ENTREP1: variants seen among roughly 807,000 people sequenced by gnomAD.
ENTREP1 encodes the protein Friedreich ataxia region gene X123.
the ENTREP1 span, among the ~76,000 whole-genome samples, chr9:69,352,319 A>T: frequency 6.6e-6 from 1 of 151,906 alleles, no homozygotes; most frequent in African/African-American, 2.4e-5. Flanking sequence ...GAGTTTCTCC[A>T]TGTTGGCCAG....
the ENTREP1 span, among the ~76,000 whole-genome samples, chr9:69,331,554 G>T: frequency 6.6e-6 from 1 of 152,196 alleles, no homozygotes; most frequent in Non-Finnish European, 1.5e-5. Context: ...ATTGTTTGGT[G>T]TTAGAAAATA....
the ENTREP1 span, among the ~76,000 whole-genome samples, chr9:69,338,260 T>C: frequency 6.6e-6 from 1 of 152,214 alleles, no homozygotes; most frequent in South Asian, 2.1e-4. Context: ...ACTCTCTAGG[T>C]TTATGGTCTC....
chr9:69,385,699 G>A, the ENTREP1 span: 2 of 1,418,962 alleles, frequency 1.4e-6, no homozygotes, highest in Non-Finnish European at 9.2e-7. Context: ...GGCAGGTTTA[G>A]GCTCCCAGGT....
chr9:69,377,498 C>T, the ENTREP1 span: 16 of 1,608,598 alleles, frequency 9.9e-6, no homozygotes, highest in Admixed American at 2.5e-4. Flanking sequence ...GCAAGGGCAT[C>T]ATGGCCACGT....
the ENTREP1 span, chr9:69,329,768 T>C: frequency 2.4e-5 from 9 of 376,766 alleles, no homozygotes; most frequent in African/African-American, 6.4e-5. Flanking sequence ...GTTTGGGGGG[T>C]GCGTTTAGTG....
At chr9:69,377,346 G>A in the ENTREP1 span, 8 of 1,301,022 alleles carry the variant, frequency 6.1e-6, no homozygotes, top group Non-Finnish European at 8.9e-6. Context: ...AGTACTTAGT[G>A]GTGCCATTGT....
At chr9:69,331,529 C>G in the ENTREP1 span, among the ~76,000 whole-genome samples, 1 of 152,108 alleles carries the variant, frequency 6.6e-6, no homozygotes, top group Admixed American at 6.5e-5. Flanking sequence ...TAATACCTCT[C>G]ATAATAATAT....
the ENTREP1 span, among the ~76,000 whole-genome samples, chr9:69,348,797 CT>C: frequency 6.6e-6 from 1 of 152,134 alleles, no homozygotes; most frequent in African/African-American, 2.4e-5. Context: ...GTACTTGTCC[CT>C]TTTTTATTGC....
At chr9:69,353,814 A>G in the ENTREP1 span, among the ~76,000 whole-genome samples, 74,903 of 151,970 alleles carry the variant, frequency 0.49, 18,680 homozygotes, top group South Asian at 0.53. Flanking sequence ...TCCTTTTTGT[A>G]GGAATTGACT....
the ENTREP1 span, chr9:69,387,573 T>C: frequency 5.1e-6 from 1 of 195,610 alleles, no homozygotes; most frequent in African/African-American, 2.4e-5. Flanking sequence ...GTGTACTTTT[T>C]CTGCACCTAA....
At chr9:69,375,933 T>C in the ENTREP1 span, 1 of 1,529,060 alleles carries the variant, frequency 6.5e-7, no homozygotes, top group East Asian at 2.3e-5. Context: ...CAAACTTACT[T>C]GAAATATTCC....
the ENTREP1 span, among the ~76,000 whole-genome samples, chr9:69,367,330 G>A: frequency 1.3e-5 from 2 of 151,358 alleles, no homozygotes; most frequent in Non-Finnish European, 2.9e-5. Flanking sequence ...GATTGCTTTG[G>A]CTCTTTGGGC....
the ENTREP1 span, chr9:69,383,735 G>C: frequency 6.2e-7 from 1 of 1,614,022 alleles, no homozygotes. Flanking sequence ...ATGAAGCTGT[G>C]GTGAGCCAGA....
chr9:69,325,235 T>G, the ENTREP1 span: 1 of 1,062,898 alleles, frequency 9.4e-7, no homozygotes. Flanking sequence ...GTGCTGCGCC[T>G]TCGGCTCGGC....
At chr9:69,354,922 C>A in the ENTREP1 span, among the ~76,000 whole-genome samples, 2 of 152,120 alleles carry the variant, frequency 1.3e-5, no homozygotes, top group Non-Finnish European at 2.9e-5. Context: ...TCCATTAAAC[C>A]GTTCCCTCCT....
chr9:69,360,557 G>A, the ENTREP1 span, among the ~76,000 whole-genome samples: 431 of 152,124 alleles, frequency 2.8e-3, 4 homozygotes, highest in African/African-American at 9.8e-3. Flanking sequence ...TGTTATTATT[G>A]ATACAAATGT....
the ENTREP1 span, among the ~76,000 whole-genome samples, chr9:69,334,603 A>G: frequency 2.6e-5 from 4 of 152,202 alleles, no homozygotes; most frequent in Non-Finnish European, 5.9e-5. Flanking sequence ...CCTTTGGCAG[A>G]CACACTTTAT....
the ENTREP1 span, among the ~76,000 whole-genome samples, chr9:69,335,986 A>G: frequency 1.3e-5 from 2 of 151,916 alleles, no homozygotes; most frequent in Non-Finnish European, 2.9e-5. Context: ...CCTGTCTTTA[A>G]AAACAAAACA....
the ENTREP1 span, chr9:69,336,175 G>A: frequency 2.8e-6 from 3 of 1,081,448 alleles, no homozygotes; most frequent in African/African-American, 1.6e-5. Context: ...TATTGGAATT[G>A]GTCCATTTTC....
Sources: allele counts gnomAD v4.1 joint callset (sites outside exome capture counted in the v4.1 genomes callset), GRCh38; gene constraint gnomAD v4.1.1; transcripts MANE v1.5; gene names NCBI Gene and HGNC (gene_info 2026-07-23, HGNC 2026-07-21).